Variants in ARSF observed in about 807,000 individuals in gnomAD.
The protein encoded by ARSF is arylsulfatase F.
ARSF carries 33 observed loss-of-function variants against 35.4 expected under a neutral mutation model. That is an observed-to-expected ratio of 0.93 (90% confidence interval 0.71 to 1.25). ARSF has a LOEUF of 1.25. Ranked by LOEUF, ARSF falls within the 50% of genes most tolerant of loss-of-function variation. The pLI, the probability that ARSF is intolerant of heterozygous loss-of-function variation, is 0.00. For missense variants in ARSF, 501 were observed against 480.2 expected, an observed-to-expected ratio of 1.04 and a Z score of -0.40; for synonymous variants, 222 against 193.1, an observed-to-expected ratio of 1.15 and a Z score of -1.24.
intron 2 of ARSF, among the ~76,000 whole-genome samples, chrX:3,068,884 T>C (rs546032591): frequency 4.4e-5 from 5 of 112,466 alleles, no homozygotes; most frequent in East Asian, 2.8e-4. Context: ...AAGGAGATGT[T>C]TGCATACAGC....
At chrX:3,074,052 T>TA (rs2090129041) in intron 3 of ARSF, among the ~76,000 whole-genome samples, 1 of 110,528 alleles carries the variant, frequency 9.0e-6, no homozygotes, top group Non-Finnish European at 1.9e-5. Context: ...ATGCTGAAGG[T>TA]AGTCATCACA....
At chrX:3,043,492 CAAG>C (rs1430227545) in intron 1 of ARSF, among the ~76,000 whole-genome samples, 1 of 111,582 alleles carries the variant, frequency 9.0e-6, no homozygotes, top group African/African-American at 3.3e-5. Flanking sequence ...AGTGAAATTG[CAAG>C]AAGTTTTTTA....
chrX:3,071,392 C>T (rs1399749090), intron 2 of ARSF, among the ~76,000 whole-genome samples: 2 of 110,709 alleles, frequency 1.8e-5, no homozygotes, highest in African/African-American at 6.6e-5. Context: ...CAACCTCCGC[C>T]TCCCGGGTTC....
At chrX:3,105,678 T>C (rs1288195206) in intron 9 of ARSF, among the ~76,000 whole-genome samples, 1 of 111,174 alleles carries the variant, frequency 9.0e-6, no homozygotes, top group Non-Finnish European at 1.9e-5. Context: ...TTGGCCAGGC[T>C]GGTCTTGAAC....
At chrX:3,040,970 G>A (rs1603463814), upstream of ARSF, among the ~76,000 whole-genome samples, 1 of 111,378 alleles carries the variant, frequency 9.0e-6, no homozygotes, top group Admixed American at 9.6e-5. Flanking sequence ...AATAAAAGTG[G>A]GAGACATAGC....
intron 6 of ARSF, among the ~76,000 whole-genome samples, chrX:3,086,929 A>T (rs2090252874): frequency 8.9e-6 from 1 of 111,912 alleles, no homozygotes; most frequent in Non-Finnish European, 1.9e-5. Context: ...TAAAATCAAG[A>T]TGTTGGTGGG....
chrX:3,070,513 C>G (rs753136786), intron 2 of ARSF, among the ~76,000 whole-genome samples: 1 of 111,465 alleles, frequency 9.0e-6, no homozygotes, highest in South Asian at 3.9e-4. Flanking sequence ...TCTCCGTCCT[C>G]TGCAATGATT....
chrX:3,089,563 G>A lies in ARSF; in HGVS notation c.898G>A (p.Asp300Asn), dbSNP rs995601104. 26 of 1,209,803 alleles carry A rather than the reference G, an allele frequency of 2.1e-5. No individual in the cohort carries two copies. Among genetic ancestry groups the A allele is most frequent in the Non-Finnish European group, 2.7e-5 (24 of 895,083 alleles). The change falls in exon 7 of 11, where the codon GAC becomes AAC. Residue 300 changes from aspartate to asparagine, a missense_variant. By Grantham distance (23) the Asp-to-Asn change is conservative. Transcript: ENST00000381127. The stretch of plus-strand genomic sequence containing the variant: ...CGTGCACACACCTCTCCCCACCACG[G>A]ACGATTTCACTGGCACCAGCAAGCA... ...LHVHTPLPTT[D>N]DFTGTSKHGL...
intron 6 of ARSF, 150 bp downstream of exon 6, chrX:3,084,816 TAAAGA>T (rs913912259): frequency 1.8e-6 from 1 of 555,462 alleles, no homozygotes; most frequent in African/African-American, 2.3e-5. Context: ...GGCTCTAGAA[TAAAGA>T]AAAGACAAAT....
intron 7 of ARSF, among the ~76,000 whole-genome samples, chrX:3,092,988 C>T (rs1203737603): frequency 9.0e-6 from 1 of 111,249 alleles, no homozygotes; most frequent in Non-Finnish European, 1.9e-5. Flanking sequence ...CTGGTTAACA[C>T]TGTGAAACCC....
intron 1 of ARSF, among the ~76,000 whole-genome samples, chrX:3,045,065 C>A (rs2089969337): frequency 9.0e-6 from 1 of 110,757 alleles, no homozygotes; most frequent in Non-Finnish European, 1.9e-5. Flanking sequence ...TGGTTTTTGC[C>A]AAAGAAAATG....
At chrX:3,093,016 C>CAG (rs2090308327) in intron 7 of ARSF, among the ~76,000 whole-genome samples, 2 of 107,782 alleles carry the variant, frequency 1.9e-5, no homozygotes, top group Admixed American at 1.9e-4. Context: ...ACTAAATATA[C>CAG]AAACACATCC....
Position 3,093,169 on chromosome X carries a change from GA to G in ARSF, c.967+3546del, listed in dbSNP as rs201600165. Among the ~76,000 whole-genome samples, 876 of 110,857 alleles carry G rather than the reference GA, an allele frequency of 7.9e-3. 9 individuals carry two copies. The highest frequency in any genetic ancestry group is 0.027 in the African/African-American group (828 of 30,558). Reference sequence around the variant, plus strand: ...AACGGAGCGAGACTCCGTCTCAAAAGAAAAAAAAATTATCATGGGTTTCCCA... The same window carrying G: ...AACGGAGCGAGACTCCGTCTCAAAAGAAAAAAAATTATCATGGGTTTCCCA... On this transcript the variant is annotated intron_variant, in intron 7 of 10. Transcript: ENST00000381127.
At chrX:3,058,577 G>A (rs1256364105) in intron 1 of ARSF, 1 of 319,849 alleles carries the variant, frequency 3.1e-6, no homozygotes, top group South Asian at 2.8e-5. Context: ...TCTAGGCTGG[G>A]CATGATGGCT....
At chrX:3,109,021 A>G (rs1276960105) in intron 9 of ARSF, among the ~76,000 whole-genome samples, 1 of 110,489 alleles carries the variant, frequency 9.1e-6, no homozygotes, top group Non-Finnish European at 1.9e-5. Flanking sequence ...TGTCTCCAAG[A>G]AAGAAAAAAA....
intron 3 of ARSF, among the ~76,000 whole-genome samples, chrX:3,075,129 G>A (rs1035309430): frequency 2.7e-5 from 3 of 111,676 alleles, no homozygotes; most frequent in Non-Finnish European, 5.6e-5. Flanking sequence ...GAGTAGTTAG[G>A]CATAAGTAAG....
intron 1 of ARSF, among the ~76,000 whole-genome samples, chrX:3,065,666 A>T (rs2090062402): frequency 9.3e-6 from 1 of 108,102 alleles, no homozygotes; most frequent in African/African-American, 3.4e-5. Context: ...CATGCCCTTT[A>T]TATGTAAATT....
At chrX:3,112,116 C>T (rs2090449072) in intron 10 of ARSF, 58 bp from the exon 11 acceptor site, 13 of 1,056,886 alleles carry the variant, frequency 1.2e-5, no homozygotes, top group Non-Finnish European at 1.7e-5. Context: ...ACTAGGACTT[C>T]TTCCTTTGAT....
In ARSF at chrX:3,074,995, T is replaced by C. The variant is rs182737963; in HGVS notation, c.162-1553T>C. 6.7e-3 allele frequency among the ~76,000 whole-genome samples: 752 copies of C among 111,970 alleles called. 8 individuals are homozygous for C. The highest frequency in any genetic ancestry group is 9.5e-3 in the Non-Finnish European group (507 of 53,242). ...TTCATTTAATCTAATACCCTTCCAGTTCATCTGTGTTGTCGAAAATGGTGG... is the reference window on the plus strand; with the variant it reads ...TTCATTTAATCTAATACCCTTCCAGCTCATCTGTGTTGTCGAAAATGGTGG... On this transcript the variant is annotated intron_variant, in intron 3 of 10. Transcript: ENST00000381127.
Sources: allele counts gnomAD v4.1 joint callset (sites outside exome capture counted in the v4.1 genomes callset), GRCh38; gene constraint gnomAD v4.1.1; transcripts MANE v1.5; gene names NCBI Gene and HGNC (gene_info 2026-07-23, HGNC 2026-07-21).